SLC2A2: variants seen among roughly 807,000 people sequenced by gnomAD.
The protein encoded by SLC2A2 is solute carrier family 2, facilitated glucose transporter member 2.
Under a neutral mutation model 54.5 loss-of-function variants are expected in SLC2A2, and 36 were observed. The ratio of observed to expected loss-of-function variants is 0.66; its 90% confidence interval spans 0.51 to 0.87. The LOEUF is 0.87. Ranked by LOEUF, SLC2A2 falls within the 40% of genes least tolerant of loss-of-function variation. The probability of loss-of-function intolerance (pLI) is 0.00; values close to 1 mark genes in which losing one functional copy is unlikely to be tolerated. For synonymous variants in SLC2A2, 223 were observed against 219.1 expected (o/e 1.02, Z -0.16); for missense variants, 543 against 624.3 (o/e 0.87, Z 1.39).
At chr3:171,022,959 C>T (rs562602331) in intron 1 of SLC2A2, among the ~76,000 whole-genome samples, 2 of 152,294 alleles carry the variant, frequency 1.3e-5, no homozygotes, top group South Asian at 4.1e-4. Context: ...TATTTCTTTC[C>T]AATCAAATTG....
rs575994570 is a variant in SLC2A2 at position 171,011,826 on chromosome 3, A to G, written c.372-1744T>C. Among the ~76,000 whole-genome samples the G allele has an allele frequency of 2.0e-5, 3 of 151,794 alleles. No individual in the cohort carries two copies. In the South Asian group the frequency reaches 6.2e-4, roughly 32 times the overall value. On this transcript the variant is annotated intron_variant, in intron 3 of 10. Coordinates refer to ENST00000314251, the MANE Select transcript of SLC2A2 (RefSeq NM_000340.2). ...AGCTAATAGTCTCTTTTATTAGGGG[A>G]AAAAAGATAAAAAGTCATAAAAGAA... is the stretch of plus-strand genomic sequence containing the variant.
Position 171,014,677 on chromosome 3 carries a change from C to T in SLC2A2, c.163G>A (p.Ala55Thr). Residue 55 changes from alanine (A) to threonine (T), a missense_variant, in exon 3 of 11, where the codon GCT becomes ACT. Ala to Thr is a moderately conservative substitution (Grantham distance 58). Transcript: ENST00000314251. ...VLGVPLDDRKAINNYVINSTD... is the reference protein window; with the variant it reads ...VLGVPLDDRKTINNYVINSTD... ...CTGTTGATAACATAGTTGTTGATAG[C>T]TTTTCGGTCATCCAGTGGAACACCC... 2 of 1,613,978 alleles carry T rather than the reference C, an allele frequency of 1.2e-6. No individual in the cohort carries two copies. Among genetic ancestry groups the T allele is most frequent in the East Asian group, 2.2e-5 (1 of 44,878 alleles).
intron 3 of SLC2A2, among the ~76,000 whole-genome samples, chr3:171,012,744 G>C (rs577777464): frequency 7.9e-5 from 12 of 152,254 alleles, no homozygotes; most frequent in Non-Finnish European, 1.8e-4. Context: ...TGGGGATACT[G>C]ATAACTTTGT....
intron 1 of SLC2A2, among the ~76,000 whole-genome samples, chr3:171,020,357 G>C (rs1716395664): frequency 6.6e-6 from 1 of 152,064 alleles, no homozygotes; most frequent in Admixed American, 6.6e-5. Flanking sequence ...GACAGCCCCA[G>C]ATCTTCTACT....
chr3:171,006,035 C>G lies in SLC2A2; in HGVS notation c.683G>C (p.Arg228Pro). 1 of 1,612,516 alleles carries G rather than the reference C, an allele frequency of 6.2e-7. No homozygotes were observed. The highest frequency in any genetic ancestry group is 8.5e-7 in the Non-Finnish European group (1 of 1,179,018). Reference protein sequence around the residue: ...WHILLGLSGVRAILQSLLLFF... With the variant: ...WHILLGLSGVPAILQSLLLFF... ...GAGTAGCAGAGACTGAAGGATGGCT[C>G]GCACACCAGACAGGCCAAGCAGGAT... The change falls in exon 6 of 11, where the codon CGA becomes CCA. Residue 228 changes from arginine (R) to proline (P), a missense_variant. Coordinates refer to ENST00000314251, the MANE Select transcript of SLC2A2 (RefSeq NM_000340.2).
At chr3:171,011,348 A>G (rs1231688648) in intron 3 of SLC2A2, among the ~76,000 whole-genome samples, 1 of 152,130 alleles carries the variant, frequency 6.6e-6, no homozygotes, top group Non-Finnish European at 1.5e-5. Context: ...GTAGAAGAGG[A>G]GCAGGTGATA....
chr3:171,019,131 A>G (rs375702834), intron 1 of SLC2A2, among the ~76,000 whole-genome samples: 38 of 74,050 alleles, frequency 5.1e-4, no homozygotes, highest in South Asian at 3.9e-3. Context: ...ATACGTATGT[A>G]TATATATATA....
Position 171,014,564 on chromosome 3 carries a change from T to C in SLC2A2, c.276A>G (p.Leu92=), listed in dbSNP as rs1309481448. The C allele has an allele frequency of 1.9e-6, 3 of 1,614,164 alleles. No homozygotes were observed. The Admixed American group carries it at 5.0e-5, about 27-fold the overall frequency. The change falls in exon 3 of 11, where the codon CTA becomes CTG. Residue 92 remains leucine, a synonymous_variant. Transcript: ENST00000314251. The part of the protein sequence containing the change: ...AEEETVAAAQ[L]ITMLWSLSVS... ...CAGACAGGGACCAGAGCATGGTGAT[T>C]AGTTGAGCAGCTGCCACAGTCTCTT...
Position 171,006,046 on chromosome 3 carries a change from C to A in SLC2A2, c.672G>T (p.Leu224=). 1 of 1,612,628 alleles carries A rather than the reference C, an allele frequency of 6.2e-7. No homozygotes were observed. The highest frequency in any genetic ancestry group is 1.1e-5 in the South Asian group (1 of 91,040). ...ACTGAAGGATGGCTCGCACACCAGA[C>A]AGGCCAAGCAGGATGTGCCACAGAT... ...NYDLWHILLG[L]SGVRAILQSL... Residue 224 remains leucine (L), a synonymous_variant, in exon 6 of 11, where the codon CTG becomes CTT. Transcript: ENST00000314251.
At chr3:171,025,863 TATC>T (rs1301479856) in intron 1 of SLC2A2, among the ~76,000 whole-genome samples, 3 of 152,158 alleles carry the variant, frequency 2.0e-5, no homozygotes, top group African/African-American at 7.2e-5. Flanking sequence ...TTTTTTAAAG[TATC>T]ATATCTAGAG....
intron 7 of SLC2A2, among the ~76,000 whole-genome samples, chr3:171,004,227 T>G (rs1011397312): frequency 1.3e-5 from 2 of 151,966 alleles, no homozygotes; most frequent in Non-Finnish European, 2.9e-5. Context: ...CCTCTTTAAG[T>G]CAGGCACTGG....
chr3:171,016,479 A>G (rs946044005), intron 2 of SLC2A2, among the ~76,000 whole-genome samples: 3 of 152,204 alleles, frequency 2.0e-5, no homozygotes, highest in East Asian at 3.8e-4. Context: ...AATAATATGC[A>G]TAGAAAAAAA....
chr3:171,025,695 A>G (rs1716655664), intron 1 of SLC2A2, among the ~76,000 whole-genome samples: 2 of 152,198 alleles, frequency 1.3e-5, no homozygotes, highest in South Asian at 4.1e-4. Context: ...ACATGAAGGA[A>G]TGTTCAGCAG....
rs1413668317 is a variant in SLC2A2, at chr3:170,999,052, G to A, written c.1170+13C>T. 1.9e-6 allele frequency: 3 copies of A among 1,567,146 alleles called. No individual in the cohort carries two copies. The South Asian group carries it at 3.3e-5, about 17-fold the overall frequency. ...ATGTTAATGAAAAACCTCAGTGCAG[G>A]CACCAAACTTACCAGCAGCACAAGT... On this transcript the variant is annotated intron_variant, in intron 9 of 10. Transcript: ENST00000314251.
At chr3:171,017,849 A>G (rs1209686529) in intron 2 of SLC2A2, among the ~76,000 whole-genome samples, 2 of 152,386 alleles carry the variant, frequency 1.3e-5, no homozygotes, top group South Asian at 2.1e-4. Context: ...TATATGAGAA[A>G]AATGGTTGAA....
intron 1 of SLC2A2, among the ~76,000 whole-genome samples, chr3:171,025,356 AT>A: frequency 6.8e-6 from 1 of 146,276 alleles, no homozygotes; most frequent in Non-Finnish European, 1.5e-5. Context: ...CTATTTAAAT[AT>A]GTATTTAACA....
intron 2 of SLC2A2, 115 bp from the exon 3 acceptor site, chr3:171,014,846 A>G (rs1299297167): frequency 4.9e-6 from 4 of 808,578 alleles, no homozygotes; most frequent in Non-Finnish European, 8.2e-6. Context: ...TGTGTTTTAT[A>G]TACATATAAA....
intron 2 of SLC2A2, among the ~76,000 whole-genome samples, chr3:171,017,851 A>G (rs543248581): frequency 1.8e-4 from 27 of 152,364 alleles, no homozygotes; most frequent in South Asian, 1.0e-3. Flanking sequence ...TATGAGAAAA[A>G]TGGTTGAAAT....
In SLC2A2 at chr3:171,025,882, T is replaced by C. The variant is rs1443778014; in HGVS notation, c.15+774A>G. On this transcript the variant is annotated intron_variant, in intron 1 of 10. Coordinates refer to ENST00000314251, the MANE Select transcript of SLC2A2 (RefSeq NM_000340.2). ...TTAAAGTATCATATCTAGAGAGAAGTTGAAACAGTAGTGAAGTGATCATTC... is the reference window on the plus strand; with the variant it reads ...TTAAAGTATCATATCTAGAGAGAAGCTGAAACAGTAGTGAAGTGATCATTC... 3.9e-5 allele frequency among the ~76,000 whole-genome samples: 6 copies of C among 152,292 alleles called. No individual in the cohort carries two copies. The East Asian group carries it at 9.6e-4, about 24-fold the overall frequency.
Sources: allele counts gnomAD v4.1 joint callset (sites outside exome capture counted in the v4.1 genomes callset), GRCh38; gene constraint gnomAD v4.1.1; transcripts MANE v1.5; gene names NCBI Gene and HGNC (gene_info 2026-07-23, HGNC 2026-07-21).